CUBN: variants seen among roughly 807,000 people sequenced by gnomAD.
CUBN encodes cubilin.
A neutral mutation model predicts 405.3 loss-of-function variants in CUBN; 282 were observed. The ratio of observed to expected loss-of-function variants is 0.70; its 90% CI spans 0.63 to 0.77. The LOEUF is 0.77. Among genes scored for constraint, CUBN ranks in the 30% least tolerant of loss-of-function variants. The pLI is 0.00. For synonymous variants in CUBN, 1,684 were observed against 1,617.0 expected, an observed-to-expected ratio of 1.04 and a Z score of -0.99; for missense variants, 4,514 against 4,475.2, an observed-to-expected ratio of 1.01 and a Z score of -0.25.
At chr10:16,983,502 C>A (rs1356422247) in intron 30 of CUBN, among the ~76,000 whole-genome samples, 2 of 152,336 alleles carry the variant, frequency 1.3e-5, no homozygotes, top group Admixed American at 6.5e-5. Flanking sequence ...ACTTCCCTCA[C>A]AGGGTGGTTG....
At chr10:16,904,137 G>C in intron 50 of CUBN, 22 bp from the exon 51 acceptor site, 1 of 1,611,888 alleles carries the variant, frequency 6.2e-7, no homozygotes, top group Non-Finnish European at 8.5e-7. Flanking sequence ...AATATACCAA[G>C]TGCCATCATT....
intron 50 of CUBN, among the ~76,000 whole-genome samples, chr10:16,905,376 A>G (rs972858686): frequency 3.3e-5 from 5 of 152,190 alleles, no homozygotes; most frequent in African/African-American, 1.2e-4. Context: ...GTACACCGCA[A>G]TCCTTTTCCA....
intron 22 of CUBN, among the ~76,000 whole-genome samples, chr10:17,056,821 G>A (rs370686521): frequency 1.3e-5 from 2 of 152,018 alleles, no homozygotes; most frequent in African/African-American, 2.4e-5. Context: ...GGCAAAGGAC[G>A]TATTTGTATG....
In CUBN at chr10:16,937,624, G is replaced by A. The variant is rs1365310059; in HGVS notation, c.5894C>T (p.Ala1965Val). The change falls in exon 39 of 67, where the codon GCA (alanine) becomes GTA (valine). Residue 1965 changes from alanine to valine, a missense_variant. Transcript: ENST00000377833. ...GFLLEWFAVD[A>V]PDGVLPTIAP... The stretch of plus-strand genomic sequence containing the variant: ...AATGGTAGGTAAAACACCATCAGGT[G>A]CATCCACTGCAAACCACTCCAGAAG... 2 of 1,613,844 alleles carry A rather than the reference G, an allele frequency of 1.2e-6. No homozygotes were observed. The highest frequency in any genetic ancestry group is 1.7e-6 in the Non-Finnish European group (2 of 1,179,950).
intron 27 of CUBN, among the ~76,000 whole-genome samples, chr10:17,025,359 T>A (rs916990059): frequency 6.6e-6 from 1 of 152,226 alleles, no homozygotes; most frequent in African/African-American, 2.4e-5. Context: ...AATGTCAATG[T>A]GGCCAGAGCC....
At chr10:17,123,728 G>T in intron 4 of CUBN, 39 bp from the exon 5 acceptor site, 1 of 1,447,816 alleles carries the variant, frequency 6.9e-7, no homozygotes, top group Non-Finnish European at 9.7e-7. Context: ...ATGACTTGCA[G>T]TCAGCAGCAA....
chr10:17,064,245 T>C (rs1176219886), intron 22 of CUBN, among the ~76,000 whole-genome samples: 2 of 152,210 alleles, frequency 1.3e-5, no homozygotes, highest in Non-Finnish European at 2.9e-5. Context: ...TCTAAAGCCA[T>C]GCTTTTGAAC....
At position 16,967,068 on chromosome 10, in the gene CUBN, G is replaced by A. The variant is rs111266982; in HGVS notation, c.4696-12520C>T. Among the ~76,000 whole-genome samples, 946 of 152,248 alleles carry A rather than the reference G, an allele frequency of 6.2e-3. 16 individuals carry two copies. The highest frequency in any genetic ancestry group is 0.022 in the African/African-American group (902 of 41,544). On this transcript the variant is annotated intron_variant, in intron 31 of 66. Coordinates refer to ENST00000377833, the MANE Select transcript of CUBN (RefSeq NM_001081.4). The stretch of plus-strand genomic sequence containing the variant: ...CTGTTACAGTCATAAATGTGAATGC[G>A]GAAGGAAATGAAAATATTACTCATT...
rs763978190 is a variant in CUBN at position 16,915,960 on chromosome 10, GT to G, written c.7070del (p.Tyr2357SerfsTer63). ...VESIGHPTLP[Y>X]RDNLFCEWHL... is the part of the protein sequence containing the mutation. ...GCCACTCACAGAATAAGTTGTCTCT[GT>G]ATGGAAGTGTTGGATGTCCAATGCT... On this transcript the variant is annotated frameshift_variant, in exon 46 of 67. Transcript: ENST00000377833. LOFTEE classifies it high-confidence loss of function. 1.9e-6 allele frequency: 3 copies of G among 1,614,124 alleles called. No individual in the cohort carries two copies. In the South Asian group the frequency reaches 3.3e-5, roughly 18 times the overall value.
chr10:17,065,133 C>CA (rs942041039), intron 22 of CUBN, among the ~76,000 whole-genome samples: 14 of 134,256 alleles, frequency 1.0e-4, no homozygotes, highest in African/African-American at 3.0e-4. Context: ...TCTCTCTCCC[C>CA]CCCCCCCCAC....
At chr10:16,867,265 C>A (rs1840213933) in intron 59 of CUBN, among the ~76,000 whole-genome samples, 1 of 149,824 alleles carries the variant, frequency 6.7e-6, no homozygotes, top group Non-Finnish European at 1.5e-5. Context: ...AGTTGTTTTA[C>A]ATAAATGAGT....
At chr10:17,094,762 G>T (rs1176073864) in intron 14 of CUBN, among the ~76,000 whole-genome samples, 1 of 151,876 alleles carries the variant, frequency 6.6e-6, no homozygotes, top group Non-Finnish European at 1.5e-5. Context: ...AATATTTGGT[G>T]TTCACAAATT....
chr10:16,851,158 G>T (rs1248308727), intron 60 of CUBN, 77 bp downstream of exon 60: 10 of 1,249,032 alleles, frequency 8.0e-6, no homozygotes, highest in African/African-American at 3.0e-5. Context: ...AGGACTTCCT[G>T]TAACGATATA....
intron 48 of CUBN, 31 bp from the exon 49 acceptor site, chr10:16,907,710 C>T (rs1379983665): frequency 6.2e-7 from 1 of 1,606,986 alleles, no homozygotes; most frequent in Admixed American, 1.7e-5. Flanking sequence ...CCTTCAGGCA[C>T]ACAATCCATC....
chr10:16,924,288 G>A (rs183230868), intron 43 of CUBN, among the ~76,000 whole-genome samples: 6 of 152,268 alleles, frequency 3.9e-5, no homozygotes, highest in African/African-American at 7.2e-5. Context: ...AAGCAATGGC[G>A]CGGGTGCCCA....
intron 28 of CUBN, among the ~76,000 whole-genome samples, chr10:16,991,508 G>T (rs1833585614): frequency 1.3e-5 from 2 of 152,164 alleles, no homozygotes; most frequent in Admixed American, 1.3e-4. Flanking sequence ...TGCAGAAGAG[G>T]TAAAATTTGA....
chr10:16,969,106 T>C (rs990798989), intron 31 of CUBN, among the ~76,000 whole-genome samples: 1 of 152,232 alleles, frequency 6.6e-6, no homozygotes, highest in African/African-American at 2.4e-5. Flanking sequence ...TAAGTGCTCA[T>C]GTGGCTCACA....
intron 48 of CUBN, among the ~76,000 whole-genome samples, chr10:16,913,312 T>C (rs943644767): frequency 6.6e-6 from 1 of 152,216 alleles, no homozygotes; most frequent in African/African-American, 2.4e-5. Context: ...TTTGCTTTCT[T>C]TCACTGCAGG....
chr10:17,127,825 T>C lies in CUBN; in HGVS notation c.348+4A>G, dbSNP rs779470352. 1.9e-6 allele frequency: 3 copies of C among 1,607,292 alleles called. No individual in the cohort carries two copies. Among genetic ancestry groups the C allele is most frequent in the African/African-American group, 2.7e-5 (2 of 74,938 alleles). ...GGTTCTTATGACGTAGATGTCAGACTTACCTTGGAATTAAGCTGATAGATT... is the reference window on the plus strand; with the variant it reads ...GGTTCTTATGACGTAGATGTCAGACCTACCTTGGAATTAAGCTGATAGATT... On this transcript the variant is annotated splice_donor_region_variant and intron_variant, in intron 3 of 66. Coordinates refer to ENST00000377833, the MANE Select transcript of CUBN (RefSeq NM_001081.4).
Sources: allele counts gnomAD v4.1 joint callset (sites outside exome capture counted in the v4.1 genomes callset), GRCh38; gene constraint gnomAD v4.1.1; transcripts MANE v1.5; gene names NCBI Gene and HGNC (gene_info 2026-07-23, HGNC 2026-07-21).